Variants in ZEB1 observed in about 807,000 individuals in gnomAD.
ZEB1 encodes the protein zinc finger E-box binding homeobox 1, also known as zinc finger E-box-binding homeobox 1.
ZEB1 carries 21 observed loss-of-function variants against 84.9 expected under a neutral mutation model. That is an observed-to-expected ratio of 0.25 (90% CI 0.18 to 0.36). ZEB1 has a LOEUF of 0.36. Ranked by LOEUF, ZEB1 falls within the 10% of genes least tolerant of loss-of-function variation. The pLI, the probability that ZEB1 is intolerant of heterozygous loss-of-function variation, is 1.00. For missense variants in ZEB1, 1,104 were observed against 1,330.2 expected, an observed-to-expected ratio of 0.83 and a Z score of 2.65; for synonymous variants, 420 against 471.1, an observed-to-expected ratio of 0.89 and a Z score of 1.41.
At chr10:31,419,129 A>C (rs2055714382) in intron 1 of ZEB1, among the ~76,000 whole-genome samples, 1 of 152,132 alleles carries the variant, frequency 6.6e-6, no homozygotes, top group Admixed American at 6.6e-5. Context: ...TGTAACTATA[A>C]GCTGTGAGAT....
intron 1 of ZEB1, among the ~76,000 whole-genome samples, chr10:31,365,876 T>C (rs1275551973): frequency 6.6e-6 from 1 of 152,240 alleles, no homozygotes; most frequent in Admixed American, 6.5e-5. Context: ...CTACTGAATA[T>C]AGGGAACATA....
intron 1 of ZEB1, among the ~76,000 whole-genome samples, chr10:31,431,132 C>T (rs1211786361): frequency 6.6e-6 from 1 of 152,076 alleles, no homozygotes; most frequent in Admixed American, 6.6e-5. Context: ...GGGGTTGATC[C>T]ACAACCCTAA....
At chr10:31,359,543 A>G (rs1057180622) in intron 1 of ZEB1, among the ~76,000 whole-genome samples, 28 of 152,144 alleles carry the variant, frequency 1.8e-4, no homozygotes, top group Admixed American at 1.2e-3. Context: ...TTCTGTTCTT[A>G]AAATTAAGAA....
At chr10:31,458,687 T>G (rs2061511463) in intron 1 of ZEB1, among the ~76,000 whole-genome samples, 3 of 152,092 alleles carry the variant, frequency 2.0e-5, no homozygotes, top group African/African-American at 7.2e-5. Context: ...TCCCTTTTAC[T>G]CTAAAGTTTC....
At chr10:31,355,926 T>G (rs1227347211) in intron 1 of ZEB1, among the ~76,000 whole-genome samples, 1 of 152,080 alleles carries the variant, frequency 6.6e-6, no homozygotes, top group Non-Finnish European at 1.5e-5. Context: ...GACTATAGTA[T>G]ATATAGAAGC....
At chr10:31,426,400 G>A (rs2056930892) in intron 1 of ZEB1, among the ~76,000 whole-genome samples, 1 of 152,058 alleles carries the variant, frequency 6.6e-6, no homozygotes, top group Admixed American at 6.6e-5. Flanking sequence ...CTTCCTGTAG[G>A]TATTCATTGA....
At chr10:31,457,319 G>A (rs924695112) in intron 1 of ZEB1, among the ~76,000 whole-genome samples, 1 of 152,068 alleles carries the variant, frequency 6.6e-6, no homozygotes, top group African/African-American at 2.4e-5. Flanking sequence ...TAAATAAGCT[G>A]TGTAGATCCA....
intron 1 of ZEB1, among the ~76,000 whole-genome samples, chr10:31,350,646 A>G (rs1348647690): frequency 6.6e-6 from 1 of 152,178 alleles, no homozygotes; most frequent in Non-Finnish European, 1.5e-5. Context: ...ACATGTCTAT[A>G]ATTAGCTTCC....
At chr10:31,488,277 C>A (rs2066006027) in intron 2 of ZEB1, among the ~76,000 whole-genome samples, 1 of 151,072 alleles carries the variant, frequency 6.6e-6, no homozygotes, top group Non-Finnish European at 1.5e-5. Flanking sequence ...GTTTTGTATT[C>A]ATCTTGGATG....
chr10:31,449,583 T>C (rs1009921184), intron 1 of ZEB1, among the ~76,000 whole-genome samples: 3 of 152,156 alleles, frequency 2.0e-5, no homozygotes, highest in Non-Finnish European at 4.4e-5. Context: ...TAATGCATTT[T>C]CCCCCCACTA....
rs534046098 is a variant in ZEB1, at chr10:31,429,926, A to G, written c.59-31111A>G. ...TGGCTAATTTTTGTATTTCTAGCAG[A>G]GACAGGGTTTCACCATGTTGGACAG... On this transcript the variant is annotated intron_variant, in intron 1 of 8. Transcript: ENST00000424869. Among the ~76,000 whole-genome samples the G allele has an allele frequency of 2.4e-3, 372 of 151,878 alleles. 3 individuals are homozygous for G. The highest frequency in any genetic ancestry group is 1.2e-3 in the Non-Finnish European group (79 of 67,926).
At chr10:31,326,462 A>G (rs534409491) in intron 1 of ZEB1, among the ~76,000 whole-genome samples, 2 of 152,332 alleles carry the variant, frequency 1.3e-5, no homozygotes, top group South Asian at 4.1e-4. Context: ...GTAGACAAAA[A>G]ATAACTTTAT....
intron 1 of ZEB1, among the ~76,000 whole-genome samples, chr10:31,327,099 C>CTTTTTTTTTTTTT (rs71527629): frequency 8.2e-5 from 7 of 84,928 alleles, no homozygotes; most frequent in East Asian, 3.7e-4. Flanking sequence ...CTTTTCTTTT[C>CTTTTTTTTTTTTT]TTTTTTTTTT....
chr10:31,469,878 A>T (rs2062967076), intron 2 of ZEB1, among the ~76,000 whole-genome samples: 1 of 152,200 alleles, frequency 6.6e-6, no homozygotes, highest in Non-Finnish European at 1.5e-5. Context: ...GAACGGGTAG[A>T]CTGCCTCCTC....
chr10:31,362,881 A>T (rs1564592948), intron 1 of ZEB1: 1 of 1,335,610 alleles, frequency 7.5e-7, no homozygotes, highest in South Asian at 1.3e-5. Context: ...GAATTTTGAT[A>T]TTCTACTTAA....
chr10:31,472,436 G>A (rs1244351271), intron 2 of ZEB1, among the ~76,000 whole-genome samples: 2 of 152,168 alleles, frequency 1.3e-5, no homozygotes, highest in Non-Finnish European at 2.9e-5. Context: ...ATACCTCTAT[G>A]CAAATAAAGT....
At chr10:31,399,858 G>C (rs958726036) in intron 1 of ZEB1, among the ~76,000 whole-genome samples, 1 of 152,150 alleles carries the variant, frequency 6.6e-6, no homozygotes, top group Non-Finnish European at 1.5e-5. Flanking sequence ...CTTTGCTCTA[G>C]TCATCCACAC....
chr10:31,519,008 G>A (rs983527148), intron 6 of ZEB1, among the ~76,000 whole-genome samples: 3 of 152,098 alleles, frequency 2.0e-5, no homozygotes, highest in African/African-American at 7.2e-5. Context: ...CTTAAAAAGA[G>A]CAGGAGATGG....
At chr10:31,449,061 C>G (rs1052908892) in intron 1 of ZEB1, among the ~76,000 whole-genome samples, 28 of 152,202 alleles carry the variant, frequency 1.8e-4, no homozygotes, top group Admixed American at 1.8e-3. Context: ...TAGCAACCAG[C>G]GAGACTCCGT....
Sources: gnomAD v4.1 joint callset for allele counts (sites outside exome capture counted in the v4.1 genomes callset) on GRCh38, gnomAD v4.1.1 for gene constraint, MANE v1.5 for transcripts, NCBI Gene and HGNC (gene_info 2026-07-23, HGNC 2026-07-21) for gene names.